PDHX: variants seen among roughly 807,000 people sequenced by gnomAD.
PDHX encodes pyruvate dehydrogenase complex component X.
Under a neutral mutation model 55.3 loss-of-function variants are expected in PDHX, and 33 were observed. The observed-to-expected ratio is 0.60, with a 90% CI of 0.45 to 0.80. The LOEUF (loss-of-function observed/expected upper bound fraction) is 0.80. Ranked by LOEUF, PDHX falls within the 30% of genes least tolerant of loss-of-function variation. The probability of loss-of-function intolerance (pLI) is 0.00; values close to 1 mark genes in which losing one functional copy is unlikely to be tolerated. For synonymous variants in PDHX, 226 were observed against 219.4 expected, an observed-to-expected ratio of 1.03 and a Z score of -0.27; for missense variants, 622 against 619.9, an observed-to-expected ratio of 1.00 and a Z score of -0.04.
intron 2 of PDHX, among the ~76,000 whole-genome samples, chr11:34,938,186 T>G (rs558191903): frequency 1.3e-5 from 2 of 152,200 alleles, no homozygotes; most frequent in East Asian, 3.9e-4. Context: ...ATGTAGCACA[T>G]AGAGACAGCA....
chr11:34,934,700 T>C (rs1854265370), intron 2 of PDHX, among the ~76,000 whole-genome samples: 2 of 147,362 alleles, frequency 1.4e-5, no homozygotes, highest in Admixed American at 1.4e-4. Context: ...CACCTAAGCC[T>C]CTTGAGTAGC....
rs368318074 is a variant in PDHX, at chr11:34,970,136, C to T, written c.817-3C>T. On this transcript the variant is annotated splice_region_variant and splice_polypyrimidine_tract_variant and intron_variant, in intron 6 of 10. Transcript: ENST00000227868. ...TAACGGACAGGTTGCTGTCTTTTTG[C>T]AGGGCACATTCACTGAAATCCCCGC... The T allele has an allele frequency of 1.5e-5, 24 of 1,612,926 alleles. No homozygotes were observed. Among genetic ancestry groups the T allele is most frequent in the Non-Finnish European group, 2.0e-5 (23 of 1,179,180 alleles).
At chr11:34,943,690 C>G (rs573477238) in intron 2 of PDHX, among the ~76,000 whole-genome samples, 2 of 152,294 alleles carry the variant, frequency 1.3e-5, no homozygotes, top group Admixed American at 1.3e-4. Context: ...CGTCACTTCT[C>G]TCGCATACTA....
intron 1 of PDHX, among the ~76,000 whole-genome samples, chr11:34,928,162 C>T (rs1307525094): frequency 6.6e-6 from 1 of 151,938 alleles, no homozygotes; most frequent in Non-Finnish European, 1.5e-5. Flanking sequence ...CAACTGGAAC[C>T]AAAGCATACA....
chr11:34,938,111 T>G (rs1854379691), intron 2 of PDHX, among the ~76,000 whole-genome samples: 1 of 152,082 alleles, frequency 6.6e-6, no homozygotes, highest in Non-Finnish European at 1.5e-5. Flanking sequence ...TGGGCTGAAG[T>G]GTGATTAGAC....
At chr11:34,984,226 C>G (rs1241138420) in intron 8 of PDHX, among the ~76,000 whole-genome samples, 1 of 152,166 alleles carries the variant, frequency 6.6e-6, no homozygotes, top group Non-Finnish European at 1.5e-5. Context: ...CCCTCAAGAT[C>G]ATGTTCGTTA....
At chr11:34,949,376 A>G (rs1745059047) in intron 3 of PDHX, among the ~76,000 whole-genome samples, 1 of 152,142 alleles carries the variant, frequency 6.6e-6, no homozygotes, top group South Asian at 2.1e-4. Context: ...AGTAGCTGAG[A>G]TTACAGGCAT....
intron 1 of PDHX, 35 bp downstream of exon 1, chr11:34,916,850 A>G: frequency 6.5e-7 from 1 of 1,538,602 alleles, no homozygotes; most frequent in Non-Finnish European, 8.8e-7. Flanking sequence ...TTCTCTGTGT[A>G]GCTGAGTGAT....
chr11:34,989,825 T>G (rs959634581), intron 9 of PDHX, among the ~76,000 whole-genome samples: 1 of 152,246 alleles, frequency 6.6e-6, no homozygotes, highest in Admixed American at 6.5e-5. Flanking sequence ...CACCCTTCTG[T>G]GTTCCCTACT....
At chr11:34,916,339 C>G, upstream of PDHX, 2 of 1,598,356 alleles carry the variant, frequency 1.3e-6, no homozygotes, top group African/African-American at 1.3e-5. Context: ...TTGCGCGCGG[C>G]GCTTAGCCTG....
At chr11:34,929,728 A>G (rs189720418) in intron 1 of PDHX, among the ~76,000 whole-genome samples, 140 of 152,324 alleles carry the variant, frequency 9.2e-4, no homozygotes, top group Middle Eastern at 3.4e-3. Context: ...GCATCCTGTA[A>G]TCAGTCTGGA....
chr11:34,988,492 T>C (rs1014798866), intron 9 of PDHX, among the ~76,000 whole-genome samples: 3 of 150,780 alleles, frequency 2.0e-5, no homozygotes, highest in African/African-American at 7.3e-5. Context: ...ACATACTAGT[T>C]ACATAACTAC....
chr11:34,942,690 A>G (rs1854517134), intron 2 of PDHX, among the ~76,000 whole-genome samples: 1 of 152,196 alleles, frequency 6.6e-6, no homozygotes, highest in Admixed American at 6.5e-5. Context: ...GAAAGATAGA[A>G]CTTTGGTTTT....
chr11:34,960,543 C>T (rs757988919), intron 5 of PDHX, 25 bp downstream of exon 5: 5 of 1,277,576 alleles, frequency 3.9e-6, no homozygotes, highest in Non-Finnish European at 5.7e-6. Context: ...TTTGTAATAA[C>T]CAGTTCCATT....
At chr11:34,926,398 A>G (rs1004129359) in intron 1 of PDHX, among the ~76,000 whole-genome samples, 3 of 152,158 alleles carry the variant, frequency 2.0e-5, no homozygotes, top group Non-Finnish European at 4.4e-5. Flanking sequence ...GAAGAAGCAA[A>G]TTAATGTTAG....
intron 10 of PDHX, among the ~76,000 whole-genome samples, chr11:34,994,232 C>T (rs973609249): frequency 6.6e-6 from 1 of 152,178 alleles, no homozygotes; most frequent in Non-Finnish European, 1.5e-5. Context: ...TGCTCCTAGA[C>T]TGCAAACCTA....
At position 34,916,627 on chromosome 11, in the gene PDHX, T is replaced by C; in HGVS notation, c.-29T>C. Reference sequence around the variant, plus strand: ...CTTGATGCTGGACATCAGGCTGTGCTGCGGGCAGCCAGTGAGAAGGCCGTC... The same window carrying C: ...CTTGATGCTGGACATCAGGCTGTGCCGCGGGCAGCCAGTGAGAAGGCCGTC... On this transcript the variant is annotated 5_prime_UTR_variant, in exon 1 of 11. Coordinates refer to ENST00000227868, the MANE Select transcript of PDHX (RefSeq NM_003477.3). The C allele has an allele frequency of 1.2e-6, 2 of 1,602,940 alleles. No homozygotes were observed. The highest frequency in any genetic ancestry group is 1.7e-5 in the Admixed American group (1 of 59,952).
At chr11:34,950,389 T>C (rs1452135024) in intron 3 of PDHX, among the ~76,000 whole-genome samples, 2 of 150,622 alleles carry the variant, frequency 1.3e-5, no homozygotes. Flanking sequence ...ATTATTATTA[T>C]TATACTTTAA....
chr11:34,959,140 A>G (rs1164741748), intron 4 of PDHX, among the ~76,000 whole-genome samples: 1 of 151,980 alleles, frequency 6.6e-6, no homozygotes, highest in East Asian at 1.9e-4. Flanking sequence ...CTTTGCATAC[A>G]AGAGATATAC....
Sources: allele counts gnomAD v4.1 joint callset (sites outside exome capture counted in the v4.1 genomes callset), GRCh38; gene constraint gnomAD v4.1.1; transcripts MANE v1.5; gene names NCBI Gene and HGNC (gene_info 2026-07-23, HGNC 2026-07-21).